The following EXOC6B variants were observed in gnomAD, a reference collection of about 807,000 sequenced individuals.
EXOC6B encodes exocyst complex component 6B.
EXOC6B carries 54 observed loss-of-function variants against 113.5 expected under a neutral mutation model. That is an observed-to-expected ratio of 0.48 (90% confidence interval 0.38 to 0.60). EXOC6B has a LOEUF of 0.60. EXOC6B is among the 20% of genes least tolerant of loss of function. EXOC6B has a pLI of 0.00. For missense variants in EXOC6B, 797 were observed against 977.5 expected (o/e 0.82, Z 2.46); for synonymous variants, 357 against 339.0 (o/e 1.05, Z -0.58).
intron 1 of EXOC6B, among the ~76,000 whole-genome samples, chr2:72,767,808 T>TAAAAAAAAAAAAAAA (rs34358568): frequency 0.022 from 276 of 12,684 alleles, 58 homozygotes; most frequent in African/African-American, 0.033. Context: ...GAGACCTTGT[T>TAAAAAAAAAAAAAAA]AAAAAAAAAA....
intron 20 of EXOC6B, among the ~76,000 whole-genome samples, chr2:72,277,873 T>C (rs976420590): frequency 6.6e-6 from 1 of 152,106 alleles, no homozygotes; most frequent in African/African-American, 2.4e-5. Flanking sequence ...AATTATCATC[T>C]CCATTCTGTA....
chr2:72,555,325 T>G (rs542943755), intron 8 of EXOC6B, among the ~76,000 whole-genome samples: 78 of 152,322 alleles, frequency 5.1e-4, no homozygotes, highest in Non-Finnish European at 1.5e-4. Flanking sequence ...CTTAAGGAAT[T>G]GCCACACTGT....
intron 18 of EXOC6B, among the ~76,000 whole-genome samples, chr2:72,458,904 A>C (rs1057121861): frequency 2.0e-5 from 3 of 152,126 alleles, no homozygotes; most frequent in Non-Finnish European, 4.4e-5. Context: ...TAAAAAATAT[A>C]AATTAGTAAT....
At chr2:72,643,350 C>A (rs1160064506) in intron 6 of EXOC6B, among the ~76,000 whole-genome samples, 117 of 146,622 alleles carry the variant, frequency 8.0e-4, no homozygotes, top group Non-Finnish European at 1.3e-3. Context: ...ATAGCAAAGA[C>A]TTGGAACCAA....
chr2:72,345,665 G>A (rs1396351738), intron 19 of EXOC6B, among the ~76,000 whole-genome samples: 3 of 151,996 alleles, frequency 2.0e-5, no homozygotes, highest in Non-Finnish European at 4.4e-5. Flanking sequence ...AGCTTGCTAG[G>A]GGACAGAAGA....
intron 20 of EXOC6B, among the ~76,000 whole-genome samples, chr2:72,311,723 C>T (rs1271599040): frequency 6.6e-6 from 1 of 152,154 alleles, no homozygotes; most frequent in Non-Finnish European, 1.5e-5. Context: ...CTGCCACACA[C>T]ACACACAAAC....
At chr2:72,698,491 T>G (rs1341631089) in intron 6 of EXOC6B, among the ~76,000 whole-genome samples, 1 of 152,156 alleles carries the variant, frequency 6.6e-6, no homozygotes, top group Non-Finnish European at 1.5e-5. Flanking sequence ...GAATACCAAT[T>G]TTATGCTTAC....
intron 8 of EXOC6B, among the ~76,000 whole-genome samples, chr2:72,557,687 A>T (rs1703642399): frequency 6.6e-6 from 1 of 152,118 alleles, no homozygotes; most frequent in African/African-American, 2.4e-5. Context: ...AGAGAAGCAG[A>T]AAAGATAATT....
At chr2:72,243,581 T>C (rs900257319) in intron 20 of EXOC6B, among the ~76,000 whole-genome samples, 1 of 152,044 alleles carries the variant, frequency 6.6e-6, no homozygotes, top group African/African-American at 2.4e-5. Flanking sequence ...CATCACTCCC[T>C]GGGGCCTGCT....
intron 6 of EXOC6B, among the ~76,000 whole-genome samples, chr2:72,661,789 T>C (rs1675036367): frequency 6.6e-6 from 1 of 152,070 alleles, no homozygotes; most frequent in South Asian, 2.1e-4. Context: ...ATTACACTAT[T>C]AAATTTTAAG....
intron 18 of EXOC6B, among the ~76,000 whole-genome samples, chr2:72,394,557 T>C (rs1054763880): frequency 3.9e-5 from 6 of 152,128 alleles, no homozygotes; most frequent in African/African-American, 1.4e-4. Context: ...TAAACCTCCA[T>C]AGAATGAGAA....
intron 20 of EXOC6B, among the ~76,000 whole-genome samples, chr2:72,273,778 T>C (rs764434129): frequency 2.0e-5 from 3 of 152,098 alleles, no homozygotes; most frequent in Admixed American, 6.6e-5. Flanking sequence ...TTGGAGGTGA[T>C]AGACCTTGAA....
At chr2:72,484,626 G>GT (rs1699322836) in intron 16 of EXOC6B, among the ~76,000 whole-genome samples, 1 of 151,580 alleles carries the variant, frequency 6.6e-6, no homozygotes, top group Admixed American at 6.6e-5. Flanking sequence ...ACAGGCCCTG[G>GT]TATGTGTTGT....
intron 6 of EXOC6B, among the ~76,000 whole-genome samples, chr2:72,598,440 T>C (rs1670209307): frequency 6.6e-6 from 1 of 151,954 alleles, no homozygotes; most frequent in Non-Finnish European, 1.5e-5. Context: ...TTTATAGCAT[T>C]GAATGCATAA....
At chr2:72,263,323 C>T (rs569250395) in intron 20 of EXOC6B, 1 of 152,252 alleles carries the variant, frequency 6.6e-6, no homozygotes, top group Non-Finnish European at 1.5e-5. Flanking sequence ...TGAGACTACG[C>T]TCCATGGCCA....
chr2:72,739,925 G>A (rs1048708102), intron 2 of EXOC6B, among the ~76,000 whole-genome samples: 14 of 151,966 alleles, frequency 9.2e-5, no homozygotes, highest in African/African-American at 2.7e-4. Context: ...TTAAACTTAA[G>A]CATTTTGGAA....
At chr2:72,302,436 G>C (rs1286546335) in intron 20 of EXOC6B, among the ~76,000 whole-genome samples, 1 of 152,012 alleles carries the variant, frequency 6.6e-6, no homozygotes, top group Non-Finnish European at 1.5e-5. Flanking sequence ...ACTGTCAGTG[G>C]AGTGTTGTTA....
chr2:72,661,568 C>T (rs1675020212), intron 6 of EXOC6B, among the ~76,000 whole-genome samples: 1 of 151,934 alleles, frequency 6.6e-6, no homozygotes, highest in Admixed American at 6.6e-5. Context: ...AAAACATACA[C>T]ATGATTTAGA....
At chr2:72,728,629 GA>G (rs1680455375) in intron 5 of EXOC6B, among the ~76,000 whole-genome samples, 1 of 152,112 alleles carries the variant, frequency 6.6e-6, no homozygotes, top group Non-Finnish European at 1.5e-5. Context: ...CAGCATCTTG[GA>G]GTTGCCATTT....
Sources: gnomAD v4.1 joint callset for allele counts (sites outside exome capture counted in the v4.1 genomes callset) on GRCh38, gnomAD v4.1.1 for gene constraint, MANE v1.5 for transcripts, NCBI Gene and HGNC (gene_info 2026-07-23, HGNC 2026-07-21) for gene names.